Variants in TBX20 observed in about 807,000 individuals in gnomAD.
The protein encoded by TBX20 is T-box transcription factor TBX20.
Under a neutral mutation model 42.9 loss-of-function variants are expected in TBX20, and 8 were observed. The observed-to-expected ratio is 0.19, with a 90% confidence interval of 0.11 to 0.34. The LOEUF is 0.34. TBX20 is among the 10% of genes least tolerant of loss of function. The pLI is 1.00. For missense variants in TBX20, 411 were observed against 566.0 expected, an observed-to-expected ratio of 0.73 and a Z score of 2.78; for synonymous variants, 198 against 222.8, an observed-to-expected ratio of 0.89 and a Z score of 0.99.
intron 6 of TBX20, among the ~76,000 whole-genome samples, chr7:35,210,756 T>C (rs1312995457): frequency 6.6e-6 from 1 of 152,196 alleles, no homozygotes; most frequent in Non-Finnish European, 1.5e-5. Context: ...CTTTTTTTCA[T>C]TGCTTTACTT....
At chr7:35,202,864 T>C in intron 7 of TBX20, 94 bp from the exon 8 acceptor site, 2 of 1,537,358 alleles carry the variant, frequency 1.3e-6, no homozygotes, top group South Asian at 2.4e-5. Flanking sequence ...TGTTTAAGAA[T>C]ATTTAATACG....
intron 7 of TBX20, among the ~76,000 whole-genome samples, chr7:35,204,041 T>C (rs1371719729): frequency 6.6e-6 from 1 of 152,224 alleles, no homozygotes; most frequent in East Asian, 1.9e-4. Context: ...TAAAAGTGTT[T>C]TCTATTTTGG....
intron 1 of TBX20, among the ~76,000 whole-genome samples, chr7:35,250,728 G>A (rs1286858813): frequency 1.3e-5 from 2 of 152,198 alleles, no homozygotes; most frequent in African/African-American, 2.4e-5. Flanking sequence ...AGGAGGATAG[G>A]AGGGTAAAAG....
chr7:35,218,185 T>C (rs1242269976), intron 6 of TBX20, among the ~76,000 whole-genome samples: 2 of 152,220 alleles, frequency 1.3e-5, no homozygotes, highest in East Asian at 1.9e-4. Context: ...GTATCTTCCA[T>C]AAAGTAAAGA....
chr7:35,248,624 A>G (rs568955438), intron 3 of TBX20, 53 bp downstream of exon 3: 6 of 1,587,210 alleles, frequency 3.8e-6, no homozygotes, highest in Middle Eastern at 3.6e-4. Context: ...AGCCAGAAAC[A>G]TTCTGACAGA....
chr7:35,215,666 T>A (rs1584343442), intron 6 of TBX20, among the ~76,000 whole-genome samples: 1 of 152,284 alleles, frequency 6.6e-6, no homozygotes, highest in East Asian at 1.9e-4. Flanking sequence ...ATGCTAAATA[T>A]TTTTTCTAGG....
intron 5 of TBX20, among the ~76,000 whole-genome samples, chr7:35,232,806 T>G (rs1370163923): frequency 6.6e-6 from 1 of 152,146 alleles, no homozygotes; most frequent in Non-Finnish European, 1.5e-5. Flanking sequence ...GGGCAGATCA[T>G]AAGGTCAGGA....
chr7:35,238,157 T>C (rs937264175), intron 5 of TBX20, among the ~76,000 whole-genome samples: 2 of 152,192 alleles, frequency 1.3e-5, no homozygotes, highest in Admixed American at 1.3e-4. Context: ...ATTGAGAAGA[T>C]CAAGTATGAT....
chr7:35,245,739 A>G (rs532919275), intron 3 of TBX20, among the ~76,000 whole-genome samples: 9 of 152,126 alleles, frequency 5.9e-5, no homozygotes, highest in Non-Finnish European at 7.4e-5. Context: ...CACATTATTC[A>G]ATTTATTTAT....
intron 5 of TBX20, among the ~76,000 whole-genome samples, chr7:35,233,010 GAGAA>G (rs1468986679): frequency 2.0e-5 from 3 of 152,154 alleles, no homozygotes; most frequent in Non-Finnish European, 2.9e-5. Context: ...ACAAGAGCGA[GAGAA>G]AGACTCTGTC....
In TBX20 at chr7:35,243,845, C is replaced by T. The variant is rs116822155; in HGVS notation, c.654+1104G>A. On this transcript the variant is annotated intron_variant, in intron 4 of 7. Coordinates refer to ENST00000408931, the MANE Select transcript of TBX20 (RefSeq NM_001077653.2). ...GTAGAGTCGTGAGTTAAGTGGGTACCCTGACTTGGTTGTAATAAACACAGT... is the reference window on the plus strand; with the variant it reads ...GTAGAGTCGTGAGTTAAGTGGGTACTCTGACTTGGTTGTAATAAACACAGT... Among the ~76,000 whole-genome samples the T allele has an allele frequency of 3.7e-3, 562 of 152,268 alleles. 3 individuals carry two copies. The highest frequency in any genetic ancestry group is 0.013 in the African/African-American group (529 of 41,566).
At chr7:35,215,180 C>T (rs886318570) in intron 6 of TBX20, among the ~76,000 whole-genome samples, 3 of 152,120 alleles carry the variant, frequency 2.0e-5, no homozygotes, top group Non-Finnish European at 4.4e-5. Context: ...TTACGCTAGT[C>T]TCTAGGAGGG....
At chr7:35,214,635 C>G (rs1240578027) in intron 6 of TBX20, among the ~76,000 whole-genome samples, 1 of 152,212 alleles carries the variant, frequency 6.6e-6, no homozygotes, top group South Asian at 2.1e-4. Flanking sequence ...GTTATTTACT[C>G]AAAGGCTTAA....
Position 35,202,956 on chromosome 7 carries a change from C to T in TBX20, c.1004-186G>A, listed in dbSNP as rs561805325. ...TCTAGGTAAGAAGATGATATTTACA[C>T]CTTGCATGGAATAGAGAATTTACTA... On this transcript the variant is annotated intron_variant, in intron 7 of 7. Transcript: ENST00000408931. Among the ~76,000 whole-genome samples, 240 of 152,232 alleles carry T rather than the reference C, an allele frequency of 1.6e-3. 2 individuals carry two copies. Among genetic ancestry groups the T allele is most frequent in the African/African-American group, 5.6e-3 (233 of 41,540 alleles).
At position 35,245,116 on chromosome 7, in the gene TBX20, T is replaced by C. The variant is rs374186763; in HGVS notation, c.546-59A>G. ...TCTTTAAAAAGTCTGTCTCTGTAGG[T>C]TATAAAATGTTCTAATTCTAAGGGA... On this transcript the variant is annotated intron_variant, in intron 3 of 7. Transcript: ENST00000408931. The C allele has an allele frequency of 4.9e-5, 61 of 1,246,318 alleles. 1 individual carries two copies. The South Asian group carries it at 7.6e-4, about 16-fold the overall frequency. 77.2% of individuals were successfully genotyped at this position (1,246,318 alleles called of 1,614,324 possible). A position where few individuals can be genotyped will look rare whatever the true frequency, so the allele number is the denominator to read the frequency against.
chr7:35,249,914 C>T lies in TBX20; in HGVS notation c.380+37G>A, dbSNP rs1309099673. On this transcript the variant is annotated intron_variant, in intron 2 of 7. Transcript: ENST00000408931. The surrounding 1 kb of genome is among the most constrained non-coding windows in gnomAD (Gnocchi z 4.3). ...CAACTACCCAGGGAGTGTCCTGACT[C>T]TCCACCCCCAACCCCCAACCCCCAA... is the stretch of plus-strand genomic sequence containing the variant. 6 of 1,579,020 alleles carry T rather than the reference C, an allele frequency of 3.8e-6. No individual in the cohort carries two copies. Among genetic ancestry groups the T allele is most frequent in the Non-Finnish European group, 3.4e-6 (4 of 1,160,728 alleles).
chr7:35,220,338 C>T (rs1789659053), intron 6 of TBX20, among the ~76,000 whole-genome samples: 1 of 152,154 alleles, frequency 6.6e-6, no homozygotes, highest in Non-Finnish European at 1.5e-5. Context: ...TCCCAGCCAG[C>T]ACATGGTGTA....
rs59548164 is a variant in TBX20, at chr7:35,213,877, C to CAAAAAAAAAAAAAAAAA, written c.891-9312_891-9296dup. 1.8e-4 allele frequency among the ~76,000 whole-genome samples: 11 copies of CAAAAAAAAAAAAAAAAA among 59,772 alleles called. 1 individual carries two copies. Among genetic ancestry groups the CAAAAAAAAAAAAAAAAA allele is most frequent in the African/African-American group, 7.4e-4 (11 of 14,784 alleles). The allele number at this position is 59,772 out of a possible 152,430, so 39.2% of individuals were successfully genotyped here. The stretch of plus-strand genomic sequence containing the variant: ...TATGAACAAGGAATTGCAGAGATAG[C>CAAAAAAAAAAAAAAAAA]AAAAAAAAAAAAAAAAAAAAAAAAT... On this transcript the variant is annotated intron_variant, in intron 6 of 7. Coordinates refer to ENST00000408931, the MANE Select transcript of TBX20 (RefSeq NM_001077653.2).
At chr7:35,232,593 T>G (rs1789888302) in intron 5 of TBX20, among the ~76,000 whole-genome samples, 1 of 152,170 alleles carries the variant, frequency 6.6e-6, no homozygotes, top group South Asian at 2.1e-4. Context: ...AATCATAGCT[T>G]CTCAGTATCA....
Sources: allele counts gnomAD v4.1 joint callset (sites outside exome capture counted in the v4.1 genomes callset), GRCh38; gene constraint gnomAD v4.1.1; non-coding constraint Gnocchi (gnomAD v3.1); transcripts MANE v1.5; gene names NCBI Gene and HGNC (gene_info 2026-07-23, HGNC 2026-07-21).